The following SUGCT variants were observed in gnomAD, a reference collection of about 807,000 sequenced individuals.
The protein encoded by SUGCT is succinyl-CoA:glutarate-CoA transferase.
SUGCT carries 41 observed loss-of-function variants against 55.0 expected under a neutral mutation model. The ratio of observed to expected loss-of-function variants is 0.74; its 90% CI spans 0.58 to 0.97. SUGCT has a LOEUF of 0.97. Ranked by LOEUF, SUGCT falls within the 50% of genes least tolerant of loss-of-function variation. SUGCT has a pLI of 0.00. For missense variants in SUGCT, 568 were observed against 547.8 expected (o/e 1.04, Z -0.37); for synonymous variants, 187 against 200.4 (o/e 0.93, Z 0.56).
intron 13 of SUGCT, among the ~76,000 whole-genome samples, chr7:40,787,986 A>G (rs1307863892): frequency 2.0e-5 from 3 of 152,062 alleles, no homozygotes; most frequent in Non-Finnish European, 4.4e-5. Context: ...GTTAGAGACC[A>G]GGGGGGAAAG....
intron 9 of SUGCT, among the ~76,000 whole-genome samples, chr7:40,433,598 T>G (rs1196304017): frequency 1.3e-5 from 2 of 152,224 alleles, no homozygotes; most frequent in Non-Finnish European, 2.9e-5. Context: ...AGTTGATTTG[T>G]GCCAAGTAAA....
chr7:40,399,257 A>G (rs1318187053), intron 9 of SUGCT, among the ~76,000 whole-genome samples: 1 of 152,172 alleles, frequency 6.6e-6, no homozygotes, highest in Non-Finnish European at 1.5e-5. Context: ...AGGGAAGAAA[A>G]GCCAAGGAAA....
At chr7:40,666,057 A>G (rs1472356598) in intron 12 of SUGCT, among the ~76,000 whole-genome samples, 1 of 152,066 alleles carries the variant, frequency 6.6e-6, no homozygotes, top group African/African-American at 2.4e-5. Flanking sequence ...TTGTGGCCGG[A>G]AGGAAAGAAG....
intron 11 of SUGCT, among the ~76,000 whole-genome samples, chr7:40,470,582 GT>G (rs1274564205): frequency 1.3e-5 from 2 of 152,056 alleles, no homozygotes; most frequent in Non-Finnish European, 2.9e-5. Flanking sequence ...AGTTTGTCAT[GT>G]TTTCCCCAGT....
At chr7:40,621,960 A>G (rs1423004635) in intron 12 of SUGCT, among the ~76,000 whole-genome samples, 4 of 152,176 alleles carry the variant, frequency 2.6e-5, no homozygotes, top group Non-Finnish European at 5.9e-5. Flanking sequence ...ATTTGAGGCA[A>G]GCCCGTGGAA....
At chr7:40,621,078 T>G (rs1321086404) in intron 12 of SUGCT, among the ~76,000 whole-genome samples, 1 of 152,210 alleles carries the variant, frequency 6.6e-6, no homozygotes, top group Non-Finnish European at 1.5e-5. Flanking sequence ...TCAATGTTTT[T>G]TTAGCCTGTA....
the SUGCT span, among the ~76,000 whole-genome samples, chr7:40,897,901 C>G: frequency 8.6e-6 from 1 of 116,378 alleles, no homozygotes; most frequent in African/African-American, 2.6e-5. Context: ...ATGGACCAAT[C>G]AGCTCTCTGT....
downstream of SUGCT, among the ~76,000 whole-genome samples, chr7:40,862,098 G>A (rs1401467598): frequency 1.3e-5 from 2 of 152,180 alleles, no homozygotes; most frequent in African/African-American, 4.8e-5. Context: ...ATCTTGAAAT[G>A]CAAATTTACT....
intron 9 of SUGCT, among the ~76,000 whole-genome samples, chr7:40,349,847 A>G (rs1472270987): frequency 6.6e-6 from 1 of 152,138 alleles, no homozygotes; most frequent in Non-Finnish European, 1.5e-5. Context: ...ATTGGTTTTT[A>G]TTAATATTTT....
intron 11 of SUGCT, among the ~76,000 whole-genome samples, chr7:40,479,224 C>G (rs1790885398): frequency 6.6e-6 from 1 of 152,074 alleles, no homozygotes; most frequent in South Asian, 2.1e-4. Flanking sequence ...GATACCGGTT[C>G]ATATCTTTTG....
intron 9 of SUGCT, among the ~76,000 whole-genome samples, chr7:40,336,369 A>G (rs557323607): frequency 5.4e-4 from 82 of 152,288 alleles, no homozygotes; most frequent in African/African-American, 1.8e-3. Flanking sequence ...CTGTGAATCC[A>G]TCTAGTCCTG....
At chr7:40,274,782 C>G (rs1260926855) in intron 8 of SUGCT, 126 bp downstream of exon 8, 1 of 892,416 alleles carries the variant, frequency 1.1e-6, no homozygotes, top group African/African-American at 1.7e-5. Flanking sequence ...ACACTGAAAA[C>G]TGTTTCATTT....
the SUGCT span, among the ~76,000 whole-genome samples, chr7:40,984,386 T>C: frequency 2.0e-5 from 3 of 151,892 alleles, no homozygotes; most frequent in African/African-American, 7.3e-5. Flanking sequence ...GTGGATATTT[T>C]TTATAGGCAA....
chr7:40,990,784 G>C, the SUGCT span, among the ~76,000 whole-genome samples: 1 of 152,306 alleles, frequency 6.6e-6, no homozygotes, highest in African/African-American at 2.4e-5. Flanking sequence ...TTTATGTTGA[G>C]AGAGCTTCTT....
intron 13 of SUGCT, among the ~76,000 whole-genome samples, chr7:40,857,764 T>C (rs1443308915): frequency 2.0e-5 from 3 of 152,204 alleles, no homozygotes; most frequent in African/African-American, 4.8e-5. Flanking sequence ...TATATGATGC[T>C]ATTTATAAGG....
chr7:40,713,319 C>A (rs1785827433), intron 12 of SUGCT, among the ~76,000 whole-genome samples: 1 of 152,176 alleles, frequency 6.6e-6, no homozygotes, highest in Non-Finnish European at 1.5e-5. Flanking sequence ...TGGGCTCAGA[C>A]AGTGCCTCTC....
At chr7:40,538,360 G>A (rs967442639) in intron 12 of SUGCT, 3 of 152,116 alleles carry the variant, frequency 2.0e-5, no homozygotes, top group Non-Finnish European at 2.9e-5. Flanking sequence ...AAATGTCCTG[G>A]TATGGAAGAA....
intron 1 of SUGCT, among the ~76,000 whole-genome samples, chr7:40,152,230 G>C (rs925760123): frequency 2.0e-5 from 3 of 152,206 alleles, no homozygotes; most frequent in African/African-American, 7.2e-5. Context: ...GCAAGTAAGA[G>C]ATTTGTTTTG....
chr7:40,449,395 T>A (rs1274429729), intron 10 of SUGCT, 37 bp downstream of exon 10: 1 of 1,535,600 alleles, frequency 6.5e-7, no homozygotes, highest in African/African-American at 1.4e-5. Flanking sequence ...GATGATTTTG[T>A]ACAAAGCCAG....
Sources: allele counts gnomAD v4.1 joint callset (sites outside exome capture counted in the v4.1 genomes callset), GRCh38; gene constraint gnomAD v4.1.1; transcripts MANE v1.5; gene names NCBI Gene and HGNC (gene_info 2026-07-23, HGNC 2026-07-21).